SPHKAP: variants seen among roughly 807,000 people sequenced by gnomAD.
SPHKAP encodes SPHK1 interactor, AKAP domain containing, also known as A-kinase anchor protein SPHKAP.
Under a neutral mutation model 137.5 loss-of-function variants are expected in SPHKAP, and 67 were observed. The ratio of observed to expected loss-of-function variants is 0.49; its 90% confidence interval spans 0.40 to 0.60. SPHKAP has a LOEUF of 0.60. Ranked by LOEUF, SPHKAP falls within the 20% of genes least tolerant of loss-of-function variation. The pLI, the probability that SPHKAP is intolerant of heterozygous loss-of-function variation, is 0.00. For synonymous variants in SPHKAP, 813 were observed against 785.3 expected, an observed-to-expected ratio of 1.04 and a Z score of -0.59; for missense variants, 2,097 against 2,069.3, an observed-to-expected ratio of 1.01 and a Z score of -0.26.
At position 228,025,473 on chromosome 2, in the gene SPHKAP, T is replaced by C; in HGVS notation, c.362A>G (p.Gln121Arg). 6.2e-7 allele frequency: 1 copy of C among 1,613,954 alleles called. No homozygotes were observed. The highest frequency in any genetic ancestry group is 8.5e-7 in the Non-Finnish European group (1 of 1,179,920). ...LPKLISSMNV[Q>R]QPKENEIVVL... Reference sequence around the variant, plus strand: ...AACAATTTCATTTTCTTTTGGTTGTTGGACATTCATGGAACTGATAAGTTT... The same window carrying C: ...AACAATTTCATTTTCTTTTGGTTGTCGGACATTCATGGAACTGATAAGTTT... The change falls in exon 5 of 12, where the codon CAA becomes CGA. Residue 121 changes from glutamine to arginine, a missense_variant. Transcript: ENST00000392056.
At chr2:228,095,705 G>T (rs1376902154) in intron 3 of SPHKAP, among the ~76,000 whole-genome samples, 1 of 152,078 alleles carries the variant, frequency 6.6e-6, no homozygotes, top group Non-Finnish European at 1.5e-5. Context: ...GGGAGTGAAG[G>T]TCAAGAAAAA....
At chr2:228,141,029 T>A (rs747182426) in intron 1 of SPHKAP, among the ~76,000 whole-genome samples, 17 of 152,202 alleles carry the variant, frequency 1.1e-4, no homozygotes, top group Non-Finnish European at 2.5e-4. Context: ...AAGATTATAT[T>A]GCTGCCAAAT....
chr2:228,147,385 A>G (rs1011438304), intron 1 of SPHKAP, among the ~76,000 whole-genome samples: 1 of 152,248 alleles, frequency 6.6e-6, no homozygotes, highest in African/African-American at 2.4e-5. Context: ...AATCAATACA[A>G]GATGCATATA....
chr2:227,991,530 A>T (rs1396278802), intron 9 of SPHKAP: 1 of 984,840 alleles, frequency 1.0e-6, no homozygotes, highest in Non-Finnish European at 1.2e-6. Context: ...GTCCTCCTCC[A>T]ACAACAACAA....
chr2:228,039,213 C>T (rs987481868), intron 3 of SPHKAP, among the ~76,000 whole-genome samples: 2 of 152,208 alleles, frequency 1.3e-5, no homozygotes, highest in Non-Finnish European at 2.9e-5. Flanking sequence ...CCCGAAAGAA[C>T]ACGAGCACTT....
chr2:228,093,867 A>AAAAC (rs1697894291), intron 3 of SPHKAP, among the ~76,000 whole-genome samples: 5 of 150,098 alleles, frequency 3.3e-5, no homozygotes, highest in Non-Finnish European at 7.4e-5. Context: ...TTCAAAAAAA[A>AAAAC]AAAAAAAAAA....
intron 1 of SPHKAP, among the ~76,000 whole-genome samples, chr2:228,157,930 C>A (rs1700154927): frequency 6.6e-6 from 1 of 152,134 alleles, no homozygotes; most frequent in African/African-American, 2.4e-5. Flanking sequence ...GATAGTTTTA[C>A]TTTTTATTAA....
chr2:228,027,981 A>AAAAAAAAAAAAG (rs1695122934), intron 3 of SPHKAP: 1 of 980,762 alleles, frequency 1.0e-6, no homozygotes, highest in African/African-American at 1.8e-5. Context: ...AAAAAAGAAA[A>AAAAAAAAAAAAG]AAGAAAAAAA....
chr2:228,056,755 A>G (rs531550979), intron 3 of SPHKAP, among the ~76,000 whole-genome samples: 13 of 152,320 alleles, frequency 8.5e-5, no homozygotes, highest in Admixed American at 5.9e-4. Flanking sequence ...TAAAGTATGG[A>G]TAGATAGAAT....
chr2:228,082,118 C>A (rs534933193), intron 3 of SPHKAP, among the ~76,000 whole-genome samples: 26 of 152,132 alleles, frequency 1.7e-4, no homozygotes, highest in Admixed American at 5.9e-4. Flanking sequence ...ACAAAACAGG[C>A]AGTGGCCCAG....
At chr2:228,061,906 T>G (rs1696650019) in intron 3 of SPHKAP, among the ~76,000 whole-genome samples, 1 of 152,152 alleles carries the variant, frequency 6.6e-6, no homozygotes, top group Non-Finnish European at 1.5e-5. Context: ...TATTAGCCTG[T>G]GAGATAAGGA....
chr2:227,981,974 G>C, intron 11 of SPHKAP, 114 bp from the exon 12 acceptor site: 1 of 1,384,132 alleles, frequency 7.2e-7, no homozygotes, highest in Non-Finnish European at 9.4e-7. Context: ...AATGTCTCTA[G>C]TGTCAGAGGA....
intron 3 of SPHKAP, among the ~76,000 whole-genome samples, chr2:228,032,106 C>T (rs1211562672): frequency 6.6e-6 from 1 of 152,028 alleles, no homozygotes; most frequent in African/African-American, 2.4e-5. Flanking sequence ...GAAATTCAAA[C>T]CAATGGCAAA....
At chr2:228,035,114 T>C (rs1435618112) in intron 3 of SPHKAP, among the ~76,000 whole-genome samples, 1 of 147,422 alleles carries the variant, frequency 6.8e-6, no homozygotes, top group East Asian at 2.0e-4. Flanking sequence ...GATGACATGA[T>C]TGTATATCTA....
intron 3 of SPHKAP, among the ~76,000 whole-genome samples, chr2:228,085,986 T>A (rs1697525462): frequency 6.6e-6 from 1 of 152,138 alleles, no homozygotes; most frequent in Non-Finnish European, 1.5e-5. Context: ...ACAGAAGACA[T>A]GAAACTGTGG....
chr2:228,022,203 A>C (rs1238425846), intron 5 of SPHKAP: 1 of 985,318 alleles, frequency 1.0e-6, no homozygotes, highest in African/African-American at 1.7e-5. Flanking sequence ...GCTGTATCAC[A>C]TATTTTAATT....
intron 3 of SPHKAP, among the ~76,000 whole-genome samples, chr2:228,035,713 T>C (rs1239773957): frequency 2.0e-5 from 3 of 152,044 alleles, no homozygotes. Context: ...AACAGAGCCC[T>C]CAGAAATAAT....
chr2:228,142,536 A>G (rs1165449051), intron 1 of SPHKAP, among the ~76,000 whole-genome samples: 1 of 152,154 alleles, frequency 6.6e-6, no homozygotes, highest in Admixed American at 6.6e-5. Flanking sequence ...GAATAAGATC[A>G]TGTTTTTTGT....
intron 7 of SPHKAP, among the ~76,000 whole-genome samples, chr2:228,011,149 G>A (rs1694348898): frequency 6.6e-6 from 1 of 151,932 alleles, no homozygotes; most frequent in Non-Finnish European, 1.5e-5. Flanking sequence ...TGACAAAAAT[G>A]CATTAGGGTA....
Sources: gnomAD v4.1 joint callset for allele counts (sites outside exome capture counted in the v4.1 genomes callset) on GRCh38, gnomAD v4.1.1 for gene constraint, MANE v1.5 for transcripts, NCBI Gene and HGNC (gene_info 2026-07-23, HGNC 2026-07-21) for gene names.